HUNK: variants seen among roughly 807,000 people sequenced by gnomAD.
The protein encoded by HUNK is hormonally up-regulated Neu-associated kinase.
A neutral mutation model predicts 61.0 loss-of-function variants in HUNK; 21 were observed. The ratio of observed to expected loss-of-function variants is 0.34; its 90% confidence interval spans 0.24 to 0.50. The LOEUF (loss-of-function observed/expected upper bound fraction) is 0.50, where lower values mean the gene tolerates loss of function less well. HUNK is among the 20% of genes least tolerant of loss of function. The pLI is 0.98. For missense variants in HUNK, 772 were observed against 945.7 expected (o/e 0.82, Z 2.41); for synonymous variants, 371 against 386.1 (o/e 0.96, Z 0.46).
Position 31,889,560 on chromosome 21 carries a change from C to T in HUNK, c.261+15625C>T, listed in dbSNP as rs1568917264. Among the ~76,000 whole-genome samples the T allele has an allele frequency of 2.0e-5, 3 of 152,148 alleles. No homozygotes were observed. The South Asian group carries it at 6.2e-4, about 31-fold the overall frequency. ...AGTTGAACATTTACATTTAATAATA[C>T]TAATAAAGAAAACTTGTTTTGAAAA... On this transcript the variant is annotated intron_variant, in intron 1 of 10. Coordinates refer to ENST00000270112, the MANE Select transcript of HUNK (RefSeq NM_014586.2).
intron 5 of HUNK, among the ~76,000 whole-genome samples, chr21:31,962,393 T>C (rs147662429): frequency 3.4e-4 from 52 of 152,356 alleles, no homozygotes; most frequent in African/African-American, 1.2e-3. Flanking sequence ...CACGCAGTCT[T>C]AGCAGGCTGG....
chr21:31,932,249 C>A (rs532015327), intron 2 of HUNK, among the ~76,000 whole-genome samples: 2 of 152,328 alleles, frequency 1.3e-5, no homozygotes, highest in Non-Finnish European at 2.9e-5. Flanking sequence ...CTTTGCTCCA[C>A]AGGGTTGGAG....
At chr21:31,907,065 C>G (rs140226517) in intron 1 of HUNK, among the ~76,000 whole-genome samples, 438 of 152,212 alleles carry the variant, frequency 2.9e-3, no homozygotes, top group Non-Finnish European at 4.8e-3. Flanking sequence ...ATCCCAGCTA[C>G]TTGGGAGGCT....
chr21:31,923,016 G>A (rs2052633137), intron 1 of HUNK, among the ~76,000 whole-genome samples: 1 of 152,198 alleles, frequency 6.6e-6, no homozygotes, highest in Non-Finnish European at 1.5e-5. Context: ...CTGGGGCAGT[G>A]GTTGGAATGA....
chr21:31,917,699 C>CAT (rs2052594103), intron 1 of HUNK, among the ~76,000 whole-genome samples: 1 of 42,916 alleles, frequency 2.3e-5, no homozygotes, highest in African/African-American at 1.0e-4. Context: ...CAAACATACA[C>CAT]ACACACACAC....
chr21:31,927,660 A>G (rs976495271), intron 2 of HUNK, among the ~76,000 whole-genome samples: 1 of 151,596 alleles, frequency 6.6e-6, no homozygotes, highest in African/African-American at 2.4e-5. Flanking sequence ...AAAAAAAGCC[A>G]TTTATTTTCT....
chr21:31,919,854 A>T (rs1193259447), intron 1 of HUNK, among the ~76,000 whole-genome samples: 1 of 152,212 alleles, frequency 6.6e-6, no homozygotes, highest in African/African-American at 2.4e-5. Flanking sequence ...CCCCACTGCC[A>T]AGGAGGGTCT....
intron 6 of HUNK, 92 bp downstream of exon 6, chr21:31,968,477 G>A: frequency 6.7e-7 from 1 of 1,490,792 alleles, no homozygotes; most frequent in Non-Finnish European, 9.1e-7. Context: ...GTCCGTGATT[G>A]AAGGAAAAGC....
intron 9 of HUNK, 124 bp downstream of exon 9, chr21:31,990,300 T>C: frequency 1.1e-6 from 1 of 919,526 alleles, no homozygotes; most frequent in Non-Finnish European, 1.7e-6. Flanking sequence ...CACAGTTTTG[T>C]GGGGGTTGGC....
At chr21:31,881,487 A>AGT (rs1218958515) in intron 1 of HUNK, among the ~76,000 whole-genome samples, 3 of 151,944 alleles carry the variant, frequency 2.0e-5, no homozygotes, top group Non-Finnish European at 4.4e-5. Context: ...AAATTAGCCA[A>AGT]GTGTGTGTTC....
At chr21:31,993,211 G>A (rs2053182732) in intron 9 of HUNK, among the ~76,000 whole-genome samples, 1 of 152,048 alleles carries the variant, frequency 6.6e-6, no homozygotes, top group Non-Finnish European at 1.5e-5. Context: ...TGGTCTCTTT[G>A]CACAGCAAAC....
chr21:31,949,153 G>C (rs2052831317), intron 4 of HUNK, among the ~76,000 whole-genome samples: 1 of 152,260 alleles, frequency 6.6e-6, no homozygotes, highest in African/African-American at 2.4e-5. Flanking sequence ...TGGGCTCCCA[G>C]TTACTTTGCA....
chr21:31,882,381 G>C (rs1325662659), intron 1 of HUNK, among the ~76,000 whole-genome samples: 1 of 152,168 alleles, frequency 6.6e-6, no homozygotes, highest in African/African-American at 2.4e-5. Flanking sequence ...TTTGCAGTGA[G>C]AGGTAACTGC....
chr21:31,901,188 G>A (rs1299738982), intron 1 of HUNK, among the ~76,000 whole-genome samples: 2 of 152,194 alleles, frequency 1.3e-5, no homozygotes, highest in African/African-American at 4.8e-5. Flanking sequence ...CTGGGGGTTA[G>A]GACTTCAGCA....
At chr21:31,977,607 G>A (rs983778992) in intron 7 of HUNK, among the ~76,000 whole-genome samples, 9 of 152,182 alleles carry the variant, frequency 5.9e-5, no homozygotes, top group Non-Finnish European at 2.9e-5. Context: ...AAGCTTTTGT[G>A]ATTCACGCTC....
intron 1 of HUNK, among the ~76,000 whole-genome samples, chr21:31,881,260 T>C (rs2052304948): frequency 6.6e-6 from 1 of 152,204 alleles, no homozygotes. Context: ...ATCTTTTCCA[T>C]GCGCATTTTG....
intron 2 of HUNK, among the ~76,000 whole-genome samples, chr21:31,938,588 T>TA (rs2052747546): frequency 6.6e-6 from 1 of 152,256 alleles, no homozygotes. Context: ...GTTGCCGTTT[T>TA]TGTTTTAACA....
At chr21:31,951,427 G>A (rs1048069003) in intron 4 of HUNK, among the ~76,000 whole-genome samples, 1 of 152,120 alleles carries the variant, frequency 6.6e-6, no homozygotes, top group African/African-American at 2.4e-5. Flanking sequence ...ATACTCATGT[G>A]CAACCTTCAG....
At chr21:31,961,447 G>A (rs1322317515) in intron 5 of HUNK, among the ~76,000 whole-genome samples, 8 of 152,180 alleles carry the variant, frequency 5.3e-5, no homozygotes, top group Non-Finnish European at 8.8e-5. Flanking sequence ...TAGTAAGCAC[G>A]TATTTAGTTT....
Sources: allele counts gnomAD v4.1 joint callset (sites outside exome capture counted in the v4.1 genomes callset), GRCh38; gene constraint gnomAD v4.1.1; transcripts MANE v1.5; gene names NCBI Gene and HGNC (gene_info 2026-07-23, HGNC 2026-07-21).